The following PRCP variants were observed in gnomAD, a reference collection of about 807,000 sequenced individuals.
PRCP encodes the protein prolylcarboxypeptidase, also known as lysosomal Pro-X carboxypeptidase.
A neutral mutation model predicts 54.2 loss-of-function variants in PRCP; 46 were observed. That is an observed-to-expected ratio of 0.85 (90% confidence interval 0.67 to 1.09). PRCP has a LOEUF of 1.09. Ranked by LOEUF, PRCP falls within the 50% of genes least tolerant of loss-of-function variation. The pLI is 0.00. For synonymous variants in PRCP, 240 were observed against 212.2 expected, an observed-to-expected ratio of 1.13 and a Z score of -1.14; for missense variants, 613 against 596.8, an observed-to-expected ratio of 1.03 and a Z score of -0.28.
At position 82,876,538 on chromosome 11, in the gene PRCP, G is replaced by A. The variant is rs540254177; in HGVS notation, c.169-16421C>T. On this transcript the variant is annotated intron_variant, in intron 1 of 8. Transcript: ENST00000313010. ...ACTCCCACGTGTTGTGGGAGAGACC[G>A]GGGGGAGGTTACTGAATCATGGGGG... Among the ~76,000 whole-genome samples the A allele has an allele frequency of 5.3e-5, 8 of 152,244 alleles. No homozygotes were observed. The East Asian group carries it at 5.8e-4, about 11-fold the overall frequency.
chr11:82,882,044 A>T (rs1319920100), intron 1 of PRCP, among the ~76,000 whole-genome samples: 2 of 152,232 alleles, frequency 1.3e-5, no homozygotes, highest in South Asian at 2.1e-4. Flanking sequence ...AGGAAGAGAA[A>T]ATATATTTAT....
chr11:82,861,085 A>G (rs1471442191), intron 1 of PRCP, among the ~76,000 whole-genome samples: 4 of 152,170 alleles, frequency 2.6e-5, no homozygotes, highest in Non-Finnish European at 5.9e-5. Context: ...TTAGTCCACA[A>G]AAATATTTCT....
intron 2 of PRCP, among the ~76,000 whole-genome samples, chr11:82,858,040 T>G (rs1002141086): frequency 2.0e-5 from 3 of 152,186 alleles, no homozygotes; most frequent in African/African-American, 7.2e-5. Flanking sequence ...CAGACCTCTG[T>G]GCAGTTGATT....
At chr11:82,842,687 C>A (rs1858703917) in intron 6 of PRCP, among the ~76,000 whole-genome samples, 1 of 152,114 alleles carries the variant, frequency 6.6e-6, no homozygotes, top group Non-Finnish European at 1.5e-5. Context: ...CTTGGTACAT[C>A]CTGTCAAACT....
intron 8 of PRCP, among the ~76,000 whole-genome samples, chr11:82,834,203 T>C (rs1219711468): frequency 6.6e-6 from 1 of 152,192 alleles, no homozygotes; most frequent in Non-Finnish European, 1.5e-5. Flanking sequence ...TCCGTAACTG[T>C]GAGCGATACA....
upstream of PRCP, chr11:82,901,038 G>C (rs1243512152): frequency 2.6e-6 from 1 of 381,014 alleles, no homozygotes; most frequent in Non-Finnish European, 5.2e-6. Flanking sequence ...AGAGGTGCGG[G>C]AACTTGCACT....
rs188232893 is a variant in PRCP, at chr11:82,834,332, T to C, written c.1274+4055A>G. ...TTCAACCCTCTCAGTTCTTTCAAGT[T>C]TTCCTATTTCAAATACCATAAATTT... On this transcript the variant is annotated intron_variant, in intron 8 of 8. Coordinates refer to ENST00000313010, the MANE Select transcript of PRCP (RefSeq NM_005040.4). 5.3e-5 allele frequency among the ~76,000 whole-genome samples: 8 copies of C among 152,354 alleles called. No individual in the cohort carries two copies. In the East Asian group the frequency reaches 1.5e-3, roughly 29 times the overall value.
At chr11:82,898,427 A>T (rs1433342157) in intron 1 of PRCP, among the ~76,000 whole-genome samples, 1 of 152,198 alleles carries the variant, frequency 6.6e-6, no homozygotes, top group East Asian at 1.9e-4. Flanking sequence ...TTCTGCTGAT[A>T]GTTCTCTTTT....
chr11:82,851,996 C>A (rs1858970028), intron 3 of PRCP, among the ~76,000 whole-genome samples: 1 of 152,118 alleles, frequency 6.6e-6, no homozygotes, highest in South Asian at 2.1e-4. Context: ...ATGCTACTGA[C>A]ATATTCTGTG....
At chr11:82,825,491 C>A (rs1417309620) in intron 8 of PRCP, 1 of 231,182 alleles carries the variant, frequency 4.3e-6, no homozygotes, top group African/African-American at 2.4e-5. Context: ...GATAACATGC[C>A]AGGCGCAGTG....
upstream of PRCP, chr11:82,900,826 T>C (rs550347588): frequency 1.4e-4 from 65 of 461,574 alleles, no homozygotes; most frequent in African/African-American, 1.1e-3. Flanking sequence ...CGCAATTCCA[T>C]TGCGACACCT....
intron 1 of PRCP, among the ~76,000 whole-genome samples, chr11:82,892,452 C>T (rs75348875): frequency 6.6e-6 from 1 of 152,032 alleles, no homozygotes; most frequent in Admixed American, 6.5e-5. Context: ...TATCCCATTA[C>T]ATACATATTG....
At chr11:82,866,442 C>A (rs1859337092) in intron 1 of PRCP, among the ~76,000 whole-genome samples, 1 of 152,204 alleles carries the variant, frequency 6.6e-6, no homozygotes, top group African/African-American at 2.4e-5. Context: ...TTTACACATA[C>A]TTCTATAAGT....
At chr11:82,881,689 C>T (rs12275863) in intron 1 of PRCP, among the ~76,000 whole-genome samples, 38,470 of 151,938 alleles carry the variant, frequency 0.25, 5,255 homozygotes, top group Admixed American at 0.31. Flanking sequence ...GGGGCAGAAA[C>T]GAGGATGGAA....
chr11:82,830,902 G>C (rs1858363975), intron 8 of PRCP: 1 of 151,882 alleles, frequency 6.6e-6, no homozygotes, highest in East Asian at 1.9e-4. Context: ...TAAGCAAACT[G>C]CATTTGATTT....
At chr11:82,831,122 G>T (rs1181107910) in intron 8 of PRCP, 9 of 151,288 alleles carry the variant, frequency 5.9e-5, no homozygotes, top group Non-Finnish European at 1.2e-4. Flanking sequence ...CCCCCAACAG[G>T]GAGCTTCACT....
intron 1 of PRCP, among the ~76,000 whole-genome samples, chr11:82,868,452 A>C (rs1425152909): frequency 6.6e-6 from 1 of 152,224 alleles, no homozygotes; most frequent in Non-Finnish European, 1.5e-5. Flanking sequence ...TTAATGTGCT[A>C]GTAAACAACC....
intron 4 of PRCP, 41 bp from the exon 5 acceptor site, chr11:82,850,112 A>AAG: frequency 1.1e-6 from 1 of 937,954 alleles, no homozygotes; most frequent in African/African-American, 1.7e-5. Flanking sequence ...AAGAAAAGAA[A>AAG]AAATATATAT....
intron 1 of PRCP, chr11:82,884,741 T>C: frequency 6.3e-7 from 1 of 1,594,312 alleles, no homozygotes; most frequent in Non-Finnish European, 8.5e-7. Context: ...CAGTGCCATC[T>C]TGGCCATTTA....
Sources: allele counts gnomAD v4.1 joint callset (sites outside exome capture counted in the v4.1 genomes callset), GRCh38; gene constraint gnomAD v4.1.1; transcripts MANE v1.5; gene names NCBI Gene and HGNC (gene_info 2026-07-23, HGNC 2026-07-21).